The following SAMD3 variants were observed in gnomAD, a reference collection of about 807,000 sequenced individuals.
SAMD3 encodes the protein sterile alpha motif domain containing 3.
A neutral mutation model predicts 58.5 loss-of-function variants in SAMD3; 63 were observed. The ratio of observed to expected loss-of-function variants is 1.08; its 90% CI spans 0.88 to 1.33. The LOEUF (loss-of-function observed/expected upper bound fraction) is 1.33, where lower values mean the gene tolerates loss of function less well. Among genes scored for constraint, SAMD3 ranks in the 40% most tolerant of loss-of-function variants. The pLI, the probability that SAMD3 is intolerant of heterozygous loss-of-function variation, is 0.00. For missense variants in SAMD3, 604 were observed against 608.4 expected, an observed-to-expected ratio of 0.99 and a Z score of 0.08; for synonymous variants, 220 against 210.3, an observed-to-expected ratio of 1.05 and a Z score of -0.40.
chr6:130,148,571 C>A (rs530144359), intron 9 of SAMD3, among the ~76,000 whole-genome samples: 1 of 152,270 alleles, frequency 6.6e-6, no homozygotes, highest in African/African-American at 2.4e-5. Flanking sequence ...TGAAGAATGG[C>A]TTTAAAAACT....
At chr6:130,294,588 C>A (rs1775491575) in intron 2 of SAMD3, among the ~76,000 whole-genome samples, 1 of 150,428 alleles carries the variant, frequency 6.6e-6, no homozygotes, top group East Asian at 1.9e-4. Flanking sequence ...ATTAATGTTT[C>A]TAATTTCAAG....
At chr6:130,264,901 G>C (rs1824811) in intron 2 of SAMD3, among the ~76,000 whole-genome samples, 47,226 of 151,808 alleles carry the variant, frequency 0.31, 7,732 homozygotes, top group East Asian at 0.47. Context: ...ACTGTAGGGC[G>C]CTGGCAAAGG....
At chr6:130,299,890 C>A (rs1021781830) in intron 2 of SAMD3, among the ~76,000 whole-genome samples, 22 of 152,048 alleles carry the variant, frequency 1.4e-4, no homozygotes, top group African/African-American at 5.3e-4. Flanking sequence ...AAACATGAAA[C>A]CTCCCAAGAG....
chr6:130,167,865 G>A (rs1249308090), intron 8 of SAMD3, among the ~76,000 whole-genome samples: 2 of 152,162 alleles, frequency 1.3e-5, no homozygotes, highest in Non-Finnish European at 2.9e-5. Flanking sequence ...CATAATGTGG[G>A]ATTCTGACAA....
chr6:130,348,815 C>A (rs1315276083), intron 1 of SAMD3, among the ~76,000 whole-genome samples: 1 of 152,056 alleles, frequency 6.6e-6, no homozygotes, highest in Non-Finnish European at 1.5e-5. Context: ...CAAAATTGAC[C>A]ACATAGTTGG....
chr6:130,351,882 C>T (rs1282927743), intron 1 of SAMD3, among the ~76,000 whole-genome samples: 1 of 152,022 alleles, frequency 6.6e-6, no homozygotes, highest in Non-Finnish European at 1.5e-5. Context: ...ACTAGGCAGC[C>T]ATAAAAAATG....
At chr6:130,243,883 ATGT>A (rs1329478811) in intron 2 of SAMD3, among the ~76,000 whole-genome samples, 1 of 152,206 alleles carries the variant, frequency 6.6e-6, no homozygotes, top group Non-Finnish European at 1.5e-5. Context: ...TGCTACTTGA[ATGT>A]TGTTGTGTTC....
intron 1 of SAMD3, among the ~76,000 whole-genome samples, chr6:130,337,040 G>A (rs1236374530): frequency 6.6e-6 from 1 of 152,174 alleles, no homozygotes; most frequent in Non-Finnish European, 1.5e-5. Context: ...ACCATCATCA[G>A]CAGTACCGTT....
Position 130,157,284 on chromosome 6 carries a change from CAAAAT to C in SAMD3, c.823-2264_823-2260del, listed in dbSNP as rs755423988. Reference sequence around the variant, plus strand: ...TATGATTAAAGAAAAAAACTTTTGTCAAAATAAGAGAAATTTTCAAAACCTATAAA... The same window carrying C: ...TATGATTAAAGAAAAAAACTTTTGTCAAGAGAAATTTTCAAAACCTATAAA... On this transcript the variant is annotated intron_variant, in intron 8 of 11. Coordinates refer to ENST00000439090, the MANE Select transcript of SAMD3 (RefSeq NM_001017373.4). 1.7e-4 allele frequency among the ~76,000 whole-genome samples: 26 copies of C among 151,154 alleles called. 1 individual carries two copies. Among genetic ancestry groups the C allele is most frequent in the Admixed American group, 5.3e-4 (8 of 15,168 alleles).
intron 2 of SAMD3, among the ~76,000 whole-genome samples, chr6:130,277,767 A>G (rs1583041194): frequency 6.6e-6 from 1 of 152,194 alleles, no homozygotes; most frequent in South Asian, 2.1e-4. Flanking sequence ...TTGTAAAATT[A>G]TAACTGAGAC....
chr6:130,209,082 G>C (rs570115461), intron 5 of SAMD3, among the ~76,000 whole-genome samples: 121 of 152,256 alleles, frequency 7.9e-4, no homozygotes, highest in Non-Finnish European at 1.5e-3. Context: ...TAAAGCAAAT[G>C]CTTACCTGCC....
chr6:130,280,893 C>T (rs1774957524), intron 2 of SAMD3, among the ~76,000 whole-genome samples: 1 of 152,130 alleles, frequency 6.6e-6, no homozygotes, highest in Non-Finnish European at 1.5e-5. Flanking sequence ...AAAAATGTGA[C>T]ACAGTAGTTC....
At chr6:130,248,965 C>T (rs540062213) in intron 2 of SAMD3, among the ~76,000 whole-genome samples, 8 of 152,220 alleles carry the variant, frequency 5.3e-5, no homozygotes, top group South Asian at 2.1e-4. Context: ...TTTGTCTCAC[C>T]GAGCGTCTGG....
At chr6:130,303,658 G>A (rs1775823055) in intron 2 of SAMD3, among the ~76,000 whole-genome samples, 1 of 152,050 alleles carries the variant, frequency 6.6e-6, no homozygotes, top group African/African-American at 2.4e-5. Flanking sequence ...AAACACATCT[G>A]GAATCCATCT....
intron 2 of SAMD3, among the ~76,000 whole-genome samples, chr6:130,287,007 G>C (rs73612044): frequency 0.013 from 1,904 of 152,312 alleles, 38 homozygotes; most frequent in African/African-American, 0.043. Context: ...ACTGTGCCTA[G>C]CCTTGTTCTA....
At chr6:130,227,681 G>A (rs1273210324), upstream of SAMD3, among the ~76,000 whole-genome samples, 8 of 151,892 alleles carry the variant, frequency 5.3e-5, no homozygotes, top group African/African-American at 1.7e-4. Flanking sequence ...CCAGCTACTT[G>A]AGAGGCTGAG....
intron 1 of SAMD3, among the ~76,000 whole-genome samples, chr6:130,322,465 G>A (rs1776617539): frequency 1.3e-5 from 2 of 152,198 alleles, no homozygotes; most frequent in Admixed American, 6.5e-5. Context: ...TACATAGACA[G>A]TGTTCATTCA....
At chr6:130,352,788 C>T (rs901569545) in intron 1 of SAMD3, among the ~76,000 whole-genome samples, 2 of 152,120 alleles carry the variant, frequency 1.3e-5, no homozygotes, top group African/African-American at 4.8e-5. Context: ...GGAGATTTAC[C>T]TATAACAGAT....
intron 2 of SAMD3, among the ~76,000 whole-genome samples, chr6:130,253,848 C>T (rs967638729): frequency 2.6e-5 from 4 of 151,882 alleles, no homozygotes; most frequent in African/African-American, 9.7e-5. Context: ...TTACCCCTTA[C>T]CTCTCCTCCT....
Sources: allele counts gnomAD v4.1 joint callset (sites outside exome capture counted in the v4.1 genomes callset), GRCh38; gene constraint gnomAD v4.1.1; transcripts MANE v1.5; gene names NCBI Gene and HGNC (gene_info 2026-07-23, HGNC 2026-07-21).